The following AP4S1 variants were observed in gnomAD, a reference collection of about 807,000 sequenced individuals.
The protein encoded by AP4S1 is AP-4 complex subunit sigma-1.
AP4S1 carries 23 observed loss-of-function variants against 19.8 expected under a neutral mutation model. The observed-to-expected ratio is 1.16, with a 90% confidence interval of 0.84 to 1.65. AP4S1 has a LOEUF of 1.65. Among genes scored for constraint, AP4S1 ranks in the 40% most tolerant of loss-of-function variants. The pLI, the probability that AP4S1 is intolerant of heterozygous loss-of-function variation, is 0.00. For synonymous variants in AP4S1, 46 were observed against 54.1 expected (o/e 0.85, Z 0.66); for missense variants, 166 against 172.8 (o/e 0.96, Z 0.22).
chr14:31,044,906 ATT>A (rs111624797), intron 1 of AP4S1, among the ~76,000 whole-genome samples: 4 of 144,308 alleles, frequency 2.8e-5, no homozygotes, highest in Non-Finnish European at 1.5e-5. Flanking sequence ...GTTTTCTATA[ATT>A]TTTTTTTTTT....
At position 31,093,461 on chromosome 14, in the gene AP4S1, A is replaced by G. The variant is rs1288060006; in HGVS notation, c.*426A>G. The G allele has an allele frequency of 6.7e-6, 1 of 149,560 alleles. No homozygotes were observed. The highest frequency in any genetic ancestry group is 2.5e-5 in the African/African-American group (1 of 40,046). The allele number at this position is 149,560 out of a possible 1,614,324, so 9.3% of individuals were successfully genotyped here. On this transcript the variant is annotated 3_prime_UTR_variant, in exon 6 of 6. Transcript: ENST00000542754. ...ATTTTGAGTAACGCTGTTTTCTGAA[A>G]GCTATTTTTTTTTTTTTGAGACGGA...
chr14:31,033,492 G>A (rs926618416), intron 1 of AP4S1, among the ~76,000 whole-genome samples: 4 of 152,026 alleles, frequency 2.6e-5, no homozygotes, highest in African/African-American at 7.2e-5. Flanking sequence ...GATTACAGGC[G>A]TGAGCCACTC....
At chr14:31,081,716 A>G (rs1176438390) in intron 5 of AP4S1, among the ~76,000 whole-genome samples, 1 of 151,732 alleles carries the variant, frequency 6.6e-6, no homozygotes, top group Admixed American at 6.6e-5. Flanking sequence ...TTATGTGTAT[A>G]TATACATACA....
intron 1 of AP4S1, among the ~76,000 whole-genome samples, chr14:31,037,996 T>G (rs1884879351): frequency 6.6e-6 from 1 of 152,206 alleles, no homozygotes; most frequent in African/African-American, 2.4e-5. Context: ...AGCTGTAACA[T>G]GTTGCTACAC....
At chr14:31,049,531 C>T (rs1473714772) in intron 1 of AP4S1, among the ~76,000 whole-genome samples, 2 of 138,592 alleles carry the variant, frequency 1.4e-5, no homozygotes, top group Non-Finnish European at 3.1e-5. Context: ...CAAGCCTAAA[C>T]ATCTGCATTA....
At chr14:31,026,291 A>G (rs1185917095) in intron 1 of AP4S1, 1 of 1,231,172 alleles carries the variant, frequency 8.1e-7, no homozygotes, top group Non-Finnish European at 1.0e-6. Context: ...CGGCCGGGAG[A>G]GGGGCGGGGA....
At chr14:31,071,054 A>T (rs1886972764) in intron 3 of AP4S1, among the ~76,000 whole-genome samples, 1 of 152,140 alleles carries the variant, frequency 6.6e-6, no homozygotes, top group Non-Finnish European at 1.5e-5. Context: ...TCCATCTCAA[A>T]AAAAAAAGGG....
intron 1 of AP4S1, among the ~76,000 whole-genome samples, chr14:31,041,291 A>C (rs1313190204): frequency 6.6e-6 from 1 of 151,920 alleles, no homozygotes; most frequent in Non-Finnish European, 1.5e-5. Context: ...CTGGGATTAC[A>C]GGCACCTGCC....
chr14:31,032,697 G>A (rs61976819), intron 1 of AP4S1, among the ~76,000 whole-genome samples: 6,123 of 151,868 alleles, frequency 0.04, 153 homozygotes, highest in South Asian at 0.082. Context: ...CACCATGACC[G>A]GCTAATTTTT....
At chr14:31,032,832 C>A (rs2139414005) in intron 1 of AP4S1, 1 of 152,426 alleles carries the variant, frequency 6.6e-6, no homozygotes, top group East Asian at 1.9e-4. Context: ...CCACGCCCAG[C>A]CTCGTACAGT....
At position 31,093,676 on chromosome 14, in the gene AP4S1, C is replaced by T. The variant is rs1888133679; in HGVS notation, c.*641C>T. Reference sequence around the variant, plus strand: ...TGGCCAGGCTGTCTCAAACTCCTGACCTCAGGTGATCTGCCTGCCTCAGCC... The same window carrying T: ...TGGCCAGGCTGTCTCAAACTCCTGATCTCAGGTGATCTGCCTGCCTCAGCC... On this transcript the variant is annotated 3_prime_UTR_variant, in exon 6 of 6. Transcript: ENST00000542754. The T allele has an allele frequency of 6.6e-6, 1 of 152,206 alleles. No homozygotes were observed. The highest frequency in any genetic ancestry group is 6.6e-5 in the Admixed American group (1 of 15,228). 9.4% of individuals were successfully genotyped at this position (152,206 alleles called of 1,614,324 possible). A position where few individuals can be genotyped will look rare whatever the true frequency, so the allele number is the denominator to read the frequency against.
intron 1 of AP4S1, among the ~76,000 whole-genome samples, chr14:31,059,922 G>A (rs1278650384): frequency 1.4e-5 from 2 of 145,560 alleles, no homozygotes; most frequent in African/African-American, 5.0e-5. Flanking sequence ...GAGCTGGGAG[G>A]ACAAAAAAAT....
chr14:31,058,768 G>A (rs141538337), intron 1 of AP4S1, among the ~76,000 whole-genome samples: 10 of 148,908 alleles, frequency 6.7e-5, no homozygotes, highest in East Asian at 5.9e-4. Flanking sequence ...TAGACATGGC[G>A]TCTCACTGTA....
At position 31,095,154 on chromosome 14, in the gene AP4S1, A is replaced by G. The variant is rs532113966; in HGVS notation, c.*2119A>G. ...GGCTGCAGTGAACTATGATCACAAC[A>G]CTGTACTCCAACCTGGGTAATGGAG... On this transcript the variant is annotated 3_prime_UTR_variant, in exon 6 of 6. Transcript: ENST00000542754. 5.9e-5 allele frequency: 9 copies of G among 152,412 alleles called. No individual in the cohort carries two copies. The South Asian group carries it at 1.4e-3, about 25-fold the overall frequency. The allele number at this position is 152,412 out of a possible 1,614,324, so 9.4% of individuals were successfully genotyped here.
intron 1 of AP4S1, among the ~76,000 whole-genome samples, chr14:31,031,640 C>A (rs1372952176): frequency 6.6e-6 from 1 of 152,098 alleles, no homozygotes; most frequent in Non-Finnish European, 1.5e-5. Flanking sequence ...GTTCATGATT[C>A]CTGATGACAC....
chr14:31,073,281 G>A (rs973616495), intron 4 of AP4S1: 4 of 325,436 alleles, frequency 1.2e-5, no homozygotes, highest in East Asian at 7.5e-5. Context: ...ACAAGGTCAG[G>A]AGATGGAGAC....
At chr14:31,034,636 G>A (rs1038875227) in intron 1 of AP4S1, among the ~76,000 whole-genome samples, 7 of 97,292 alleles carry the variant, frequency 7.2e-5, no homozygotes, top group South Asian at 3.5e-4. Flanking sequence ...TTTTTTTTTA[G>A]ACAGAGTCTT....
chr14:31,079,992 C>T (rs1349915453), intron 4 of AP4S1, among the ~76,000 whole-genome samples: 2 of 152,108 alleles, frequency 1.3e-5, no homozygotes, highest in Non-Finnish European at 2.9e-5. Context: ...TTTATACATA[C>T]ATACATAGGA....
At chr14:31,030,447 A>G (rs962558739) in intron 1 of AP4S1, among the ~76,000 whole-genome samples, 1 of 152,032 alleles carries the variant, frequency 6.6e-6, no homozygotes, top group Non-Finnish European at 1.5e-5. Flanking sequence ...GGCTCAATCT[A>G]TCCTCCCAGC....
Sources: gnomAD v4.1 joint callset for allele counts (sites outside exome capture counted in the v4.1 genomes callset) on GRCh38, gnomAD v4.1.1 for gene constraint, MANE v1.5 for transcripts, NCBI Gene and HGNC (gene_info 2026-07-23, HGNC 2026-07-21) for gene names.